R3HDM2: variants seen among roughly 807,000 people sequenced by gnomAD.
R3HDM2 encodes the protein R3H domain-containing protein 2.
A neutral mutation model predicts 124.5 loss-of-function variants in R3HDM2; 38 were observed. That is an observed-to-expected ratio of 0.31 (90% CI 0.24 to 0.40). R3HDM2 has a LOEUF of 0.40. R3HDM2 is among the 10% of genes least tolerant of loss of function. R3HDM2 has a pLI of 1.00. For synonymous variants in R3HDM2, 391 were observed against 448.0 expected (o/e 0.87, Z 1.61); for missense variants, 869 against 1,236.9 (o/e 0.70, Z 4.46).
chr12:57,346,996 G>A (rs559802127), intron 2 of R3HDM2, among the ~76,000 whole-genome samples: 13 of 152,274 alleles, frequency 8.5e-5, no homozygotes, highest in South Asian at 6.2e-4. Flanking sequence ...TGTAATCCCA[G>A]CATGTAAGGA....
chr12:57,430,605 C>G (rs1869637860), intron 1 of R3HDM2, 115 bp downstream of exon 1: 1 of 984,704 alleles, frequency 1.0e-6, no homozygotes, highest in Non-Finnish European at 1.2e-6. Flanking sequence ...GACCGGCTGC[C>G]GGGCGCGAGG....
chr12:57,382,786 A>C (rs1294261099), intron 2 of R3HDM2, among the ~76,000 whole-genome samples: 1 of 151,740 alleles, frequency 6.6e-6, no homozygotes, highest in African/African-American at 2.4e-5. Context: ...CAGTGAGCTG[A>C]GATCATGCCA....
intron 2 of R3HDM2, among the ~76,000 whole-genome samples, chr12:57,332,791 T>C (rs2058374132): frequency 6.6e-6 from 1 of 152,238 alleles, no homozygotes; most frequent in Non-Finnish European, 1.5e-5. Flanking sequence ...TGTCCCTCTT[T>C]GCTTAATAGA....
intron 1 of R3HDM2, among the ~76,000 whole-genome samples, chr12:57,423,905 A>T (rs1465204193): frequency 2.0e-5 from 3 of 149,788 alleles, no homozygotes; most frequent in African/African-American, 2.5e-5. Flanking sequence ...ACCTGAGGTC[A>T]GGAGTTCGAG....
At chr12:57,423,590 C>T (rs1397833828) in intron 1 of R3HDM2, among the ~76,000 whole-genome samples, 2 of 151,004 alleles carry the variant, frequency 1.3e-5, no homozygotes, top group Non-Finnish European at 3.0e-5. Context: ...GGCGGGTGGA[C>T]TGTCTGAGCC....
Position 57,427,413 on chromosome 12 carries a change from G to A in R3HDM2, c.-106+3307C>T, listed in dbSNP as rs1366792303. ...TGCCCAGGCTGGAGTGCAGTGGCAC[G>A]ATCTCAGCTCACTGCAACCTCAGCC... On this transcript the variant is annotated intron_variant, in intron 1 of 23. Coordinates refer to ENST00000402412, the MANE Select transcript of R3HDM2 (RefSeq NM_001394031.1). Among the ~76,000 whole-genome samples, 10 of 148,658 alleles carry A rather than the reference G, an allele frequency of 6.7e-5. No homozygotes were observed. The East Asian group carries it at 1.8e-3, about 27-fold the overall frequency.
intron 2 of R3HDM2, among the ~76,000 whole-genome samples, chr12:57,368,974 T>C (rs188539297): frequency 1.3e-3 from 193 of 152,224 alleles, no homozygotes; most frequent in African/African-American, 4.5e-3. Flanking sequence ...ATGGCTACGG[T>C]GGGACTAAGA....
At chr12:57,360,034 T>C (rs1333369561) in intron 2 of R3HDM2, among the ~76,000 whole-genome samples, 61 of 83,756 alleles carry the variant, frequency 7.3e-4, no homozygotes, top group Middle Eastern at 5.1e-3. Flanking sequence ...CACACATATA[T>C]ATATATATAT....
At chr12:57,311,529 C>T (rs973991251) in intron 2 of R3HDM2, among the ~76,000 whole-genome samples, 17 of 151,808 alleles carry the variant, frequency 1.1e-4, no homozygotes, top group Non-Finnish European at 2.1e-4. Flanking sequence ...CCCAGCCTGC[C>T]CGGCTAATTT....
chr12:57,394,532 C>T (rs1363873475), intron 2 of R3HDM2, among the ~76,000 whole-genome samples: 3 of 151,976 alleles, frequency 2.0e-5, no homozygotes, highest in Admixed American at 1.3e-4. Context: ...ACTGAGATGG[C>T]GCATGTATAC....
chr12:57,330,141 T>G (rs2136559789), intron 2 of R3HDM2, among the ~76,000 whole-genome samples: 1 of 152,012 alleles, frequency 6.6e-6, no homozygotes, highest in East Asian at 1.9e-4. Context: ...TAGTTTTGTA[T>G]TTTTAGTAGA....
chr12:57,260,075 G>C (rs1257375412), intron 19 of R3HDM2, among the ~76,000 whole-genome samples: 1 of 151,504 alleles, frequency 6.6e-6, no homozygotes, highest in Non-Finnish European at 1.5e-5. Flanking sequence ...AGTAGCCTGG[G>C]AAACATGGTG....
At chr12:57,430,645 G>A (rs1869665160) in intron 1 of R3HDM2, 75 bp downstream of exon 1, 2 of 955,802 alleles carry the variant, frequency 2.1e-6, no homozygotes, top group African/African-American at 1.8e-5. Context: ...CCTCGCGCCC[G>A]CCCGTGCGGC....
In R3HDM2 at chr12:57,269,978, T is replaced by G. The variant is rs763736021; in HGVS notation, c.1361A>C (p.Asn454Thr). The change falls in exon 15 of 24, where the codon AAC becomes ACC. Residue 454 changes from asparagine (N) to threonine (T), a missense_variant. Asn to Thr is a moderately conservative substitution (Grantham distance 65, BLOSUM62 0). Transcript: ENST00000402412. ...ACTAAGGCTCATTTGTCCAAAGGGGTTGCTGAGGTCATCTGCCTGTTGAGA... is the reference window on the plus strand; with the variant it reads ...ACTAAGGCTCATTTGTCCAAAGGGGGTGCTGAGGTCATCTGCCTGTTGAGA... ...HMISQADDLS[N>T]PFGQMSLSRQ... 5 of 1,614,008 alleles carry G rather than the reference T, an allele frequency of 3.1e-6. No individual in the cohort carries two copies. The highest frequency in any genetic ancestry group is 4.2e-6 in the Non-Finnish European group (5 of 1,180,034).
intron 2 of R3HDM2, among the ~76,000 whole-genome samples, chr12:57,368,613 C>T (rs1246195710): frequency 2.6e-5 from 4 of 152,154 alleles, no homozygotes; most frequent in South Asian, 2.1e-4. Context: ...TCAAGGCTTA[C>T]GTAGCCTCCT....
chr12:57,377,965 G>A (rs1287300314), intron 2 of R3HDM2, among the ~76,000 whole-genome samples: 2 of 152,114 alleles, frequency 1.3e-5, no homozygotes, highest in East Asian at 1.9e-4. Context: ...GTGCATGCCT[G>A]TAATCCCAGC....
intron 1 of R3HDM2, among the ~76,000 whole-genome samples, chr12:57,423,593 T>C (rs1450943582): frequency 6.6e-6 from 1 of 150,740 alleles, no homozygotes; most frequent in Non-Finnish European, 1.5e-5. Flanking sequence ...GGGTGGACTG[T>C]CTGAGCCCGG....
At chr12:57,377,821 C>T (rs1244502941) in intron 2 of R3HDM2, among the ~76,000 whole-genome samples, 1 of 152,126 alleles carries the variant, frequency 6.6e-6, no homozygotes, top group African/African-American at 2.4e-5. Flanking sequence ...GGGGCAGTGG[C>T]TCACACCTGT....
chr12:57,396,109 T>G (rs1056245166), intron 1 of R3HDM2, among the ~76,000 whole-genome samples: 1 of 152,192 alleles, frequency 6.6e-6, no homozygotes, highest in African/African-American at 2.4e-5. Context: ...ACCCAGTCTA[T>G]TCCCTGAAAT....
Sources: allele counts gnomAD v4.1 joint callset (sites outside exome capture counted in the v4.1 genomes callset), GRCh38; gene constraint gnomAD v4.1.1; transcripts MANE v1.5; gene names NCBI Gene and HGNC (gene_info 2026-07-23, HGNC 2026-07-21).